DSCAM: variants seen among roughly 807,000 people sequenced by gnomAD.
The protein encoded by DSCAM is cell adhesion molecule DSCAM.
DSCAM carries 47 observed loss-of-function variants against 217.7 expected under a neutral mutation model. That is an observed-to-expected ratio of 0.22 (90% CI 0.17 to 0.28). DSCAM has a LOEUF of 0.28. DSCAM is among the 10% of genes least tolerant of loss of function. The probability of loss-of-function intolerance (pLI) is 1.00; values close to 1 mark genes in which losing one functional copy is unlikely to be tolerated. For missense variants in DSCAM, 2,080 were observed against 2,618.3 expected, an observed-to-expected ratio of 0.79 and a Z score of 4.49; for synonymous variants, 1,056 against 1,015.3, an observed-to-expected ratio of 1.04 and a Z score of -0.76.
intron 16 of DSCAM, among the ~76,000 whole-genome samples, chr21:40,150,369 CA>C (rs2090412088): frequency 6.6e-6 from 1 of 152,084 alleles, no homozygotes; most frequent in South Asian, 2.1e-4. Flanking sequence ...TGCATAAAAG[CA>C]AGCAAAAATT....
chr21:40,245,490 T>A (rs546572034), intron 11 of DSCAM, among the ~76,000 whole-genome samples: 3 of 152,294 alleles, frequency 2.0e-5, no homozygotes, highest in Non-Finnish European at 4.4e-5. Flanking sequence ...GGGGCTGGGA[T>A]GGCTTCTGAA....
intron 1 of DSCAM, among the ~76,000 whole-genome samples, chr21:40,744,410 G>A (rs2091154460): frequency 6.6e-6 from 1 of 152,168 alleles, no homozygotes; most frequent in Non-Finnish European, 1.5e-5. Flanking sequence ...TTCCCACAAA[G>A]CTCAGGTGCT....
At chr21:40,117,314 G>A (rs920226937) in intron 20 of DSCAM, among the ~76,000 whole-genome samples, 3 of 152,122 alleles carry the variant, frequency 2.0e-5, no homozygotes, top group African/African-American at 7.2e-5. Flanking sequence ...TAACAATAAC[G>A]CAAGAGATTG....
At chr21:40,493,568 A>G (rs2076093013) in intron 3 of DSCAM, among the ~76,000 whole-genome samples, 1 of 152,136 alleles carries the variant, frequency 6.6e-6, no homozygotes, top group Admixed American at 6.6e-5. Context: ...GTGACATCAA[A>G]AATAGAAAAC....
chr21:40,454,421 C>G lies in DSCAM; in HGVS notation c.509-85176G>C, dbSNP rs568851801. 3.9e-5 allele frequency among the ~76,000 whole-genome samples: 6 copies of G among 152,270 alleles called. No individual in the cohort carries two copies. In the South Asian group the frequency reaches 1.0e-3, roughly 26 times the overall value. ...GTGAAAGTTTTCTGTGAAGACCACT[C>G]TGAAACACTCAATTTTCAATTACCC... On this transcript the variant is annotated intron_variant, in intron 3 of 32. Coordinates refer to ENST00000400454, the MANE Select transcript of DSCAM (RefSeq NM_001389.5).
intron 3 of DSCAM, among the ~76,000 whole-genome samples, chr21:40,442,588 C>T (rs895216666): frequency 5.8e-5 from 8 of 138,538 alleles, no homozygotes; most frequent in Non-Finnish European, 1.2e-4. Context: ...GGCACGATCT[C>T]GGCTCACTGC....
At chr21:40,359,660 T>C (rs1046629018) in intron 4 of DSCAM, among the ~76,000 whole-genome samples, 1 of 152,184 alleles carries the variant, frequency 6.6e-6, no homozygotes, top group Admixed American at 6.5e-5. Context: ...GAATGACTAA[T>C]ACATGTAACA....
chr21:40,396,622 C>T (rs2075181082), intron 3 of DSCAM, among the ~76,000 whole-genome samples: 1 of 151,984 alleles, frequency 6.6e-6, no homozygotes. Context: ...GAATGCAGGC[C>T]CCTAAAACAC....
intron 1 of DSCAM, among the ~76,000 whole-genome samples, chr21:40,825,613 G>A (rs1171068302): frequency 6.6e-6 from 1 of 152,070 alleles, no homozygotes; most frequent in African/African-American, 2.4e-5. Flanking sequence ...CACCGTGCCT[G>A]GCCTCAGTAA....
chr21:40,610,854 T>C (rs555447881), intron 3 of DSCAM, among the ~76,000 whole-genome samples: 2 of 152,278 alleles, frequency 1.3e-5, no homozygotes, highest in South Asian at 4.1e-4. Context: ...CTCAGGGCTT[T>C]TGATATGTTC....
At chr21:40,074,972 A>T (rs1466867415) in intron 27 of DSCAM, 65 bp downstream of exon 27, 3 of 1,548,458 alleles carry the variant, frequency 1.9e-6, no homozygotes, top group East Asian at 2.3e-5. Context: ...TCCAGCTGGC[A>T]TCTCTCCCAT....
chr21:40,343,973 G>A (rs568963455), intron 6 of DSCAM, among the ~76,000 whole-genome samples: 25 of 151,092 alleles, frequency 1.7e-4, no homozygotes, highest in South Asian at 8.4e-4. Context: ...GCAGGATCTC[G>A]GCTCACTGCA....
chr21:40,678,644 C>G (rs1435965992), intron 3 of DSCAM, among the ~76,000 whole-genome samples: 1 of 152,156 alleles, frequency 6.6e-6, no homozygotes, highest in Admixed American at 6.5e-5. Flanking sequence ...CTTCTCCACA[C>G]AGAAATTCTA....
intron 1 of DSCAM, among the ~76,000 whole-genome samples, chr21:40,734,493 C>G (rs1226754534): frequency 6.6e-6 from 1 of 152,200 alleles, no homozygotes. Flanking sequence ...GGGGCCAGAG[C>G]TTAGAGTCAA....
intron 20 of DSCAM, among the ~76,000 whole-genome samples, chr21:40,099,844 C>A (rs2089727506): frequency 6.6e-6 from 1 of 152,144 alleles, no homozygotes; most frequent in Admixed American, 6.5e-5. Flanking sequence ...TGAGTATTCC[C>A]TCTTATGGGT....
intron 3 of DSCAM, among the ~76,000 whole-genome samples, chr21:40,600,527 T>C (rs552368907): frequency 6.6e-6 from 1 of 152,288 alleles, no homozygotes; most frequent in South Asian, 2.1e-4. Flanking sequence ...ATCCAGACCA[T>C]AGCACCAACT....
intron 3 of DSCAM, among the ~76,000 whole-genome samples, chr21:40,468,563 T>C (rs2075863255): frequency 6.6e-6 from 1 of 151,976 alleles, no homozygotes; most frequent in Non-Finnish European, 1.5e-5. Flanking sequence ...CTCAAAGGTT[T>C]TGGGGTTTGG....
Position 40,307,718 on chromosome 21 carries a change from T to A in DSCAM, c.2062+4363A>T, listed in dbSNP as rs1409638426. ...ACAGTGATAGACTGGATTAAGAAAA[T>A]GTGGCACATATACATCATGGAATAC... On this transcript the variant is annotated intron_variant, in intron 9 of 32. Coordinates refer to ENST00000400454, the MANE Select transcript of DSCAM (RefSeq NM_001389.5). 3.3e-5 allele frequency among the ~76,000 whole-genome samples: 5 copies of A among 152,016 alleles called. No homozygotes were observed. In the East Asian group the frequency reaches 9.7e-4, roughly 29 times the overall value.
intron 3 of DSCAM, among the ~76,000 whole-genome samples, chr21:40,624,639 C>T (rs67159270): frequency 0.075 from 11,344 of 152,170 alleles, 936 homozygotes; most frequent in African/African-American, 0.2. Context: ...AAGCCAATAC[C>T]CAGCACTTTT....
Sources: allele counts gnomAD v4.1 joint callset (sites outside exome capture counted in the v4.1 genomes callset), GRCh38; gene constraint gnomAD v4.1.1; transcripts MANE v1.5; gene names NCBI Gene and HGNC (gene_info 2026-07-23, HGNC 2026-07-21).